Variants in TENM2 observed in about 807,000 individuals in gnomAD.
TENM2 encodes teneurin transmembrane protein 2, also known as teneurin-2.
A neutral mutation model predicts 245.2 loss-of-function variants in TENM2; 52 were observed. The ratio of observed to expected loss-of-function variants is 0.21; its 90% CI spans 0.17 to 0.27. The LOEUF is 0.27. Among genes scored for constraint, TENM2 ranks in the 10% least tolerant of loss-of-function variants. TENM2 has a pLI of 1.00. For synonymous variants in TENM2, 1,363 were observed against 1,438.9 expected (o/e 0.95, Z 1.19); for missense variants, 3,046 against 3,666.8 (o/e 0.83, Z 4.37).
chr5:167,215,563 G>A, the TENM2 span, among the ~76,000 whole-genome samples: 1 of 152,152 alleles, frequency 6.6e-6, no homozygotes. Flanking sequence ...AACTCTGGAG[G>A]AAGAGTTTAG....
At chr5:166,980,107 G>A in the TENM2 span, among the ~76,000 whole-genome samples, 1 of 152,254 alleles carries the variant, frequency 6.6e-6, no homozygotes. Flanking sequence ...ATTTGCAGGA[G>A]GCAATAATAG....
intron 2 of TENM2, among the ~76,000 whole-genome samples, chr5:167,420,685 A>C (rs906695794): frequency 2.0e-5 from 3 of 152,288 alleles, no homozygotes; most frequent in South Asian, 4.1e-4. Flanking sequence ...TAAACTTGCA[A>C]CTGCCTTCCC....
rs1321244873 is a variant in TENM2 at position 167,695,080 on chromosome 5, G to A, written c.503-180906G>A. Among the ~76,000 whole-genome samples, 8 of 152,264 alleles carry A rather than the reference G, an allele frequency of 5.3e-5. No homozygotes were observed. In the East Asian group the frequency reaches 5.8e-4, roughly 11 times the overall value. ...GCTTTATTCCTCCTTTGTGGGAATC[G>A]GATCCCCAGTTTTTAGCCATGCTTA... On this transcript the variant is annotated intron_variant, in intron 2 of 28. Coordinates refer to ENST00000518659, the Ensembl canonical transcript of TENM2.
chr5:167,025,459 C>T, the TENM2 span, among the ~76,000 whole-genome samples: 1 of 152,062 alleles, frequency 6.6e-6, no homozygotes, highest in Non-Finnish European at 1.5e-5. Flanking sequence ...TACATTTCGT[C>T]ATTTAAAAAT....
chr5:168,226,376 C>T (rs757075345), intron 24 of TENM2, 113 bp downstream of exon 26: 19 of 888,374 alleles, frequency 2.1e-5, no homozygotes, highest in African/African-American at 3.4e-5. Context: ...ACCCAGCGTA[C>T]CCCTAGCTTT....
At chr5:167,274,984 C>T in the TENM2 span, among the ~76,000 whole-genome samples, 2 of 151,652 alleles carry the variant, frequency 1.3e-5, no homozygotes, top group Non-Finnish European at 2.9e-5. Flanking sequence ...GGTCATTTAC[C>T]CTGTCAGAAG....
At chr5:168,026,688 C>T (rs566473760) in intron 5 of TENM2, among the ~76,000 whole-genome samples, 1 of 152,208 alleles carries the variant, frequency 6.6e-6, no homozygotes, top group South Asian at 2.1e-4. Context: ...TCAGTTTCCT[C>T]CCTGTAAAAT....
chr5:167,506,464 A>G (rs1383466735), intron 2 of TENM2, among the ~76,000 whole-genome samples: 1 of 152,180 alleles, frequency 6.6e-6, no homozygotes, highest in Non-Finnish European at 1.5e-5. Flanking sequence ...CAGAAACCAC[A>G]TGTCAATACT....
intron 2 of TENM2, among the ~76,000 whole-genome samples, chr5:167,446,174 C>T (rs530120639): frequency 2.6e-4 from 40 of 152,212 alleles, no homozygotes; most frequent in Middle Eastern, 3.4e-3. Flanking sequence ...TATTTATACA[C>T]AGTTTGAATT....
chr5:167,799,605 A>G (rs778993556), intron 2 of TENM2, among the ~76,000 whole-genome samples: 2 of 152,208 alleles, frequency 1.3e-5, no homozygotes, highest in Non-Finnish European at 2.9e-5. Flanking sequence ...TCTAATTAAG[A>G]TGCTTTGTGT....
the TENM2 span, among the ~76,000 whole-genome samples, chr5:167,061,884 A>G: frequency 6.6e-6 from 1 of 151,140 alleles, no homozygotes; most frequent in African/African-American, 2.4e-5. Flanking sequence ...TCTCGTAGGC[A>G]CAGCTGTCAA....
rs1348360729 is a variant in TENM2 at position 168,117,288 on chromosome 5, A to G, written c.1814-1004A>G. ...CCTGCTCCCTTTTCTTTTTTTTCTA[A>G]TAAGTCAAGCATATTTAATCGTTAT... On this transcript the variant is annotated intron_variant, in intron 9 of 28. Transcript: ENST00000518659. Among the ~76,000 whole-genome samples the G allele has an allele frequency of 2.0e-5, 3 of 152,244 alleles. No individual in the cohort carries two copies. The East Asian group carries it at 5.8e-4, about 29-fold the overall frequency.
rs568940010 is a variant in TENM2, at chr5:167,848,373, A to G, written c.503-27613A>G. The stretch of plus-strand genomic sequence containing the variant: ...GGGTTTGTGGTAAAGTGGAGAGTGC[A>G]TATGTAAATCAAAGCCACTAAAATT... On this transcript the variant is annotated intron_variant, in intron 2 of 28. Coordinates refer to ENST00000518659, the Ensembl canonical transcript of TENM2. Among the ~76,000 whole-genome samples the G allele has an allele frequency of 2.0e-3, 306 of 152,358 alleles. 1 individual carries two copies. The highest frequency in any genetic ancestry group is 7.0e-3 in the African/African-American group (293 of 41,580).
chr5:167,900,995 C>T (rs1775658171), intron 3 of TENM2, among the ~76,000 whole-genome samples: 1 of 151,440 alleles, frequency 6.6e-6, no homozygotes, highest in Non-Finnish European at 1.5e-5. Flanking sequence ...AATATGTGTG[C>T]CTTTTAATTC....
At chr5:167,784,538 C>T (rs931235042) in intron 2 of TENM2, among the ~76,000 whole-genome samples, 18 of 152,248 alleles carry the variant, frequency 1.2e-4, no homozygotes, top group African/African-American at 2.9e-4. Flanking sequence ...CAGGCGTAAG[C>T]GGAAAGATAA....
intron 2 of TENM2, among the ~76,000 whole-genome samples, chr5:167,668,914 C>T (rs535286874): frequency 6.6e-6 from 1 of 152,272 alleles, no homozygotes; most frequent in East Asian, 1.9e-4. Context: ...AGATCCCCCA[C>T]TGAACTTCAG....
chr5:167,880,351 T>A (rs572618069), intron 3 of TENM2, among the ~76,000 whole-genome samples: 134 of 152,088 alleles, frequency 8.8e-4, no homozygotes, highest in Middle Eastern at 6.8e-3. Context: ...TTAAAAAAAA[T>A]TTTTTTCAGC....
chr5:168,040,241 A>C (rs1244730054), intron 5 of TENM2, among the ~76,000 whole-genome samples: 1 of 152,204 alleles, frequency 6.6e-6, no homozygotes, highest in South Asian at 2.1e-4. Flanking sequence ...TTGGGACTGT[A>C]GCTGGAAGAT....
intron 1 of TENM2, among the ~76,000 whole-genome samples, chr5:167,331,221 G>A (rs1401801259): frequency 8.2e-6 from 1 of 121,804 alleles, no homozygotes; most frequent in Non-Finnish European, 1.6e-5. Context: ...GGGCAACAGA[G>A]TGAGACTCTG....
Sources: gnomAD v4.1 joint callset for allele counts (sites outside exome capture counted in the v4.1 genomes callset) on GRCh38, gnomAD v4.1.1 for gene constraint, MANE v1.5 for transcripts, NCBI Gene and HGNC (gene_info 2026-07-23, HGNC 2026-07-21) for gene names.